Variants in ARL15 observed in about 807,000 individuals in gnomAD.
ARL15 encodes the protein ARF like GTPase 15, also known as ADP-ribosylation factor-like protein 15.
A neutral mutation model predicts 25.2 loss-of-function variants in ARL15; 19 were observed. That is an observed-to-expected ratio of 0.75 (90% CI 0.53 to 1.10). The LOEUF (loss-of-function observed/expected upper bound fraction) is 1.10, where lower values mean the gene tolerates loss of function less well. Ranked by LOEUF, ARL15 falls within the 50% of genes least tolerant of loss-of-function variation. The probability of loss-of-function intolerance (pLI) is 0.00; values close to 1 mark genes in which losing one functional copy is unlikely to be tolerated. For synonymous variants in ARL15, 94 were observed against 86.8 expected (o/e 1.08, Z -0.46); for missense variants, 220 against 246.0 (o/e 0.89, Z 0.71).
chr5:54,216,168 T>C (rs1214740321), intron 1 of ARL15, among the ~76,000 whole-genome samples: 1 of 152,158 alleles, frequency 6.6e-6, no homozygotes, highest in East Asian at 1.9e-4. Flanking sequence ...TGAATACTAG[T>C]CTCTAGAATT....
At chr5:54,196,034 G>C (rs1407696010) in intron 1 of ARL15, among the ~76,000 whole-genome samples, 1 of 152,026 alleles carries the variant, frequency 6.6e-6, no homozygotes, top group East Asian at 1.9e-4. Flanking sequence ...AAGCAGAAAA[G>C]GATTCTACCT....
intron 1 of ARL15, among the ~76,000 whole-genome samples, chr5:54,294,839 T>G (rs1257349057): frequency 6.6e-6 from 1 of 152,174 alleles, no homozygotes; most frequent in Non-Finnish European, 1.5e-5. Context: ...TATAAAGCAA[T>G]TGGGATAAAT....
chr5:54,168,068 T>C (rs777687065), intron 2 of ARL15, among the ~76,000 whole-genome samples: 2 of 152,244 alleles, frequency 1.3e-5, no homozygotes, highest in African/African-American at 4.8e-5. Flanking sequence ...GATGCTGTAA[T>C]GTAAGCTCCA....
rs1752443115 is a variant in ARL15 at position 54,101,676 on chromosome 5, C to G, written c.462+11526G>C. Among the ~76,000 whole-genome samples, 3 of 152,256 alleles carry G rather than the reference C, an allele frequency of 2.0e-5. No individual in the cohort carries two copies. In the South Asian group the frequency reaches 6.2e-4, roughly 31 times the overall value. ...ATAGCTATAGTGCTCAAAAACATTT[C>G]CATTAACAGTAACAGGCCATTCATT... On this transcript the variant is annotated intron_variant, in intron 4 of 4. Transcript: ENST00000504924.
intron 4 of ARL15, among the ~76,000 whole-genome samples, chr5:53,944,817 C>T (rs1746670697): frequency 6.6e-6 from 1 of 152,128 alleles, no homozygotes; most frequent in South Asian, 2.1e-4. Flanking sequence ...TAAGGCCTAG[C>T]AAAGTGTCTG....
intron 4 of ARL15, among the ~76,000 whole-genome samples, chr5:53,927,424 C>A (rs757114016): frequency 6.6e-6 from 1 of 152,168 alleles, no homozygotes; most frequent in African/African-American, 2.4e-5. Flanking sequence ...AGCTCTCATT[C>A]GTAAGTGGTT....
intron 4 of ARL15, among the ~76,000 whole-genome samples, chr5:54,039,814 A>AC (rs1257811948): frequency 1.3e-5 from 2 of 151,184 alleles, no homozygotes; most frequent in Non-Finnish European, 3.0e-5. Flanking sequence ...AAAAAAAAAA[A>AC]AAAAAAAAAA....
At chr5:54,190,823 T>C (rs1755377268) in intron 1 of ARL15, among the ~76,000 whole-genome samples, 1 of 152,112 alleles carries the variant, frequency 6.6e-6, no homozygotes, top group African/African-American at 2.4e-5. Context: ...TTGGCAAGGA[T>C]ATGGAGAAAT....
intron 4 of ARL15, among the ~76,000 whole-genome samples, chr5:53,945,789 A>C (rs1746706182): frequency 6.6e-6 from 1 of 152,226 alleles, no homozygotes; most frequent in South Asian, 2.1e-4. Flanking sequence ...TGTTAAAGTA[A>C]AATGTAGTGT....
At chr5:53,908,918 C>T (rs1745364339) in intron 4 of ARL15, among the ~76,000 whole-genome samples, 1 of 152,158 alleles carries the variant, frequency 6.6e-6, no homozygotes, top group Non-Finnish European at 1.5e-5. Context: ...CAAAAGTTGA[C>T]ATCAGATGGA....
intron 2 of ARL15, among the ~76,000 whole-genome samples, chr5:54,164,531 AT>A (rs767941204): frequency 5.9e-5 from 9 of 151,970 alleles, no homozygotes; most frequent in Non-Finnish European, 1.3e-4. Context: ...TGTTTCATAT[AT>A]TTTTAAGTTC....
chr5:54,306,422 G>A (rs571724315), intron 1 of ARL15, among the ~76,000 whole-genome samples: 1 of 129,730 alleles, frequency 7.7e-6, no homozygotes, highest in African/African-American at 2.8e-5. Flanking sequence ...TTGAGACGGA[G>A]TCTCACTCTG....
At chr5:54,284,738 C>A (rs2007943032) in intron 1 of ARL15, among the ~76,000 whole-genome samples, 1 of 152,168 alleles carries the variant, frequency 6.6e-6, no homozygotes, top group African/African-American at 2.4e-5. Flanking sequence ...ACCTCATTCT[C>A]TCTAATCTCT....
At chr5:53,896,099 T>G (rs576363861) in intron 4 of ARL15, among the ~76,000 whole-genome samples, 1 of 152,216 alleles carries the variant, frequency 6.6e-6, no homozygotes, top group South Asian at 2.1e-4. Flanking sequence ...AATGGCACCA[T>G]GTCGGCTTGC....
At position 54,080,581 on chromosome 5, in the gene ARL15, T is replaced by C. The variant is rs1436220548; in HGVS notation, c.462+32621A>G. 2.0e-5 allele frequency among the ~76,000 whole-genome samples: 3 copies of C among 152,226 alleles called. 1 individual carries two copies. The highest frequency in any genetic ancestry group is 7.2e-5 in the African/African-American group (3 of 41,456). Reference sequence around the variant, plus strand: ...TTTGTGTTTTTAGATTTTAACTTCATCTGAAATAATAATAGAAACATGTTA... The same window carrying C: ...TTTGTGTTTTTAGATTTTAACTTCACCTGAAATAATAATAGAAACATGTTA... On this transcript the variant is annotated intron_variant, in intron 4 of 4. Coordinates refer to ENST00000504924, the MANE Select transcript of ARL15 (RefSeq NM_019087.3).
intron 4 of ARL15, among the ~76,000 whole-genome samples, chr5:54,017,395 C>CAG (rs950369868): frequency 2.6e-5 from 4 of 152,152 alleles, no homozygotes; most frequent in African/African-American, 9.6e-5. Flanking sequence ...GGCATTGACA[C>CAG]AGAGCTGTCT....
chr5:54,275,682 A>G (rs1757909310), intron 1 of ARL15, among the ~76,000 whole-genome samples: 1 of 146,280 alleles, frequency 6.8e-6, no homozygotes, highest in Admixed American at 6.8e-5. Context: ...TATTATTATT[A>G]TTTTATTTAT....
intron 1 of ARL15, among the ~76,000 whole-genome samples, chr5:54,277,413 T>A (rs1757953677): frequency 6.6e-6 from 1 of 152,196 alleles, no homozygotes; most frequent in Admixed American, 6.5e-5. Context: ...TTTACTGCTA[T>A]TGTTTTGAAG....
intron 4 of ARL15, among the ~76,000 whole-genome samples, chr5:53,891,987 T>C (rs1744727329): frequency 6.6e-6 from 1 of 152,206 alleles, no homozygotes; most frequent in Non-Finnish European, 1.5e-5. Context: ...TCATTTGTAT[T>C]ATAAGAGTAC....
Sources: gnomAD v4.1 joint callset for allele counts (sites outside exome capture counted in the v4.1 genomes callset) on GRCh38, gnomAD v4.1.1 for gene constraint, MANE v1.5 for transcripts, NCBI Gene and HGNC (gene_info 2026-07-23, HGNC 2026-07-21) for gene names.